The following FEZ2 variants were observed in gnomAD, a reference collection of about 807,000 sequenced individuals.
FEZ2 encodes the protein fasciculation and elongation protein zeta 2, also known as fasciculation and elongation protein zeta-2.
Under a neutral mutation model 40.4 loss-of-function variants are expected in FEZ2, and 51 were observed. The observed-to-expected ratio is 1.26, with a 90% CI of 1.01 to 1.59. The LOEUF (loss-of-function observed/expected upper bound fraction) is 1.59. Ranked by LOEUF, FEZ2 falls within the 40% of genes most tolerant of loss-of-function variation. The probability of loss-of-function intolerance (pLI) is 0.00; values close to 1 mark genes in which losing one functional copy is unlikely to be tolerated. For missense variants in FEZ2, 640 were observed against 438.3 expected, an observed-to-expected ratio of 1.46 and a Z score of -4.11; for synonymous variants, 242 against 172.0, an observed-to-expected ratio of 1.41 and a Z score of -3.18.
Position 36,581,449 on chromosome 2 carries a change from C to G in FEZ2, c.493-18G>C. 2.5e-6 allele frequency: 4 copies of G among 1,609,970 alleles called. No individual in the cohort carries two copies. Among genetic ancestry groups the G allele is most frequent in the Non-Finnish European group, 3.4e-6 (4 of 1,176,540 alleles). On this transcript the variant is annotated intron_variant, in intron 3 of 7. Transcript: ENST00000405912. ...TCAATAACCTTCGAAAACACACACA[C>G]CACTGTTAATCAAATATACAAAAGG...
Position 36,583,441 on chromosome 2 carries a change from G to C in FEZ2, c.404C>G (p.Ser135Ter), listed in dbSNP as rs1018793065. 6.2e-7 allele frequency: 1 copy of C among 1,603,140 alleles called. No homozygotes were observed. The highest frequency in any genetic ancestry group is 1.7e-5 in the Admixed American group (1 of 60,006). Reference sequence around the variant, plus strand: ...CTGTTCTCTCAGCTCTTCATCATCTGATGTATCAAAGAGCAAACTGTCACT... The same window carrying C: ...CTGTTCTCTCAGCTCTTCATCATCTCATGTATCAAAGAGCAAACTGTCACT... ...GVSDSLLFDT[S>*]DDEELREQLD... is the part of the protein sequence containing the mutation. The change falls in exon 3 of 8, where the codon TCA becomes TGA. Residue 135 changes from serine (S) to a stop codon, truncating the protein, a stop_gained. Coordinates refer to ENST00000405912, the MANE Select transcript of FEZ2 (RefSeq NM_005102.3). LOFTEE classifies it high-confidence loss of function.
rs151273702 is a variant in FEZ2 at position 36,568,511 on chromosome 2, G to C, written c.904-9998C>G. Among the ~76,000 whole-genome samples, 115 of 152,266 alleles carry C rather than the reference G, an allele frequency of 7.6e-4. 1 individual carries two copies. In the East Asian group the frequency reaches 0.02, roughly 26 times the overall value. ...TCCAAGTGTTCAAATTCAAAGTGAA[G>C]AACTGGTGAAAATTCTGAATCTGAA... is the stretch of plus-strand genomic sequence containing the variant. On this transcript the variant is annotated intron_variant, in intron 5 of 7. Transcript: ENST00000405912.
chr2:36,566,967 C>G (rs1287315563), intron 5 of FEZ2, among the ~76,000 whole-genome samples: 2 of 152,190 alleles, frequency 1.3e-5, no homozygotes, highest in African/African-American at 2.4e-5. Context: ...CTCTCTCTCT[C>G]TCTCTATAGG....
In FEZ2 at chr2:36,555,646, C is replaced by A. The variant is rs765492760; in HGVS notation, c.1045+37G>T. The A allele has an allele frequency of 3.2e-6, 4 of 1,249,210 alleles. No homozygotes were observed. In the East Asian group the frequency reaches 7.1e-5, roughly 22 times the overall value. The allele number at this position is 1,249,210 out of a possible 1,614,324, so 77.4% of individuals were successfully genotyped here. A position where few individuals can be genotyped will look rare whatever the true frequency, so the allele number is the denominator to read the frequency against. ...GATGTATTTACTGACTAATCCAAACCTCCCAGCCATCGCACCTATACCATT... is the reference window on the plus strand; with the variant it reads ...GATGTATTTACTGACTAATCCAAACATCCCAGCCATCGCACCTATACCATT... On this transcript the variant is annotated intron_variant, in intron 7 of 7. Transcript: ENST00000405912.
rs1352585532 is a variant in FEZ2, at chr2:36,560,939, C to T, written c.904-2426G>A. The T allele has an allele frequency of 4.5e-6, 4 of 889,002 alleles. No individual in the cohort carries two copies. In the African/African-American group the frequency reaches 5.1e-5, roughly 11 times the overall value. The allele number at this position is 889,002 out of a possible 1,614,324, so 55.1% of individuals were successfully genotyped here. ...TCAAAGTCTATTAGTAAGAATGTAC[C>T]ATGATGACTTATGTGCCCAAGAGGC... On this transcript the variant is annotated intron_variant, in intron 5 of 7. Transcript: ENST00000405912.
Position 36,553,152 on chromosome 2 carries a change from A to T in FEZ2, c.*11T>A. 6.4e-7 allele frequency: 1 copy of T among 1,566,592 alleles called. No homozygotes were observed. The highest frequency in any genetic ancestry group is 2.3e-5 in the East Asian group (1 of 42,754). ...TCTAGCTTGGAGCCCACCGCAGATAAAGTTGCTGCTCTATGTAGGACACAG... is the reference window on the plus strand; with the variant it reads ...TCTAGCTTGGAGCCCACCGCAGATATAGTTGCTGCTCTATGTAGGACACAG... On this transcript the variant is annotated 3_prime_UTR_variant, in exon 8 of 8. Coordinates refer to ENST00000405912, the MANE Select transcript of FEZ2 (RefSeq NM_005102.3).
chr2:36,570,698 G>C (rs190391799), intron 5 of FEZ2, among the ~76,000 whole-genome samples: 27 of 152,194 alleles, frequency 1.8e-4, no homozygotes, highest in African/African-American at 3.4e-4. Flanking sequence ...ACTGCTCCTA[G>C]GCTACAAACC....
intron 4 of FEZ2, among the ~76,000 whole-genome samples, chr2:36,580,504 C>A (rs1668703821): frequency 6.6e-6 from 1 of 152,208 alleles, no homozygotes; most frequent in Non-Finnish European, 1.5e-5. Context: ...TGTTCACAGG[C>A]TGGTTATATT....
At chr2:36,564,760 G>A (rs1467842770) in intron 5 of FEZ2, among the ~76,000 whole-genome samples, 3 of 151,980 alleles carry the variant, frequency 2.0e-5, no homozygotes, top group Non-Finnish European at 2.9e-5. Context: ...GCAGCCAACC[G>A]GGCCAACTCG....
At position 36,553,168 on chromosome 2, in the gene FEZ2, T is replaced by A; in HGVS notation, c.1057A>T (p.Thr353Ser). 2 of 1,565,012 alleles carry A rather than the reference T, an allele frequency of 1.3e-6. No individual in the cohort carries two copies. The highest frequency in any genetic ancestry group is 1.7e-6 in the Non-Finnish European group (2 of 1,152,794). The change falls in exon 8 of 8, where the codon ACA becomes TCA. Residue 353 changes from threonine to serine, a missense_variant. Coordinates refer to ENST00000405912, the MANE Select transcript of FEZ2 (RefSeq NM_005102.3). ...TDYILKVLCP[T>S] ...CCGCAGATAAAGTTGCTGCTCTATG[T>A]AGGACACAGAACTAGAAGAAAAAGA...
At chr2:36,579,615 T>A (rs1354025740) in intron 4 of FEZ2, among the ~76,000 whole-genome samples, 1 of 152,064 alleles carries the variant, frequency 6.6e-6, no homozygotes, top group East Asian at 1.9e-4. Flanking sequence ...CCTCCCACCA[T>A]GAGTAAAAGC....
At position 36,555,696 on chromosome 2, in the gene FEZ2, A is replaced by T. The variant is rs756117811; in HGVS notation, c.1032T>A (p.Asp344Glu). The change falls in exon 7 of 8, where the codon GAT (aspartate) becomes GAA (glutamate). Residue 344 changes from aspartate to glutamate, a missense_variant. Asp to Glu is a conservative substitution (Grantham distance 45). Coordinates refer to ENST00000405912, the MANE Select transcript of FEZ2 (RefSeq NM_005102.3). ...TATAAAACTCACCTTTCAGAATATA[A>T]TCAGTTAACAAGCTCGGAACTTTTT... ...DSEKVPSLLT[D>E]YILKVLCPT 1 of 1,592,776 alleles carries T rather than the reference A, an allele frequency of 6.3e-7. No individual in the cohort carries two copies. The highest frequency in any genetic ancestry group is 8.6e-7 in the Non-Finnish European group (1 of 1,168,688).
chr2:36,583,510 C>T, intron 2 of FEZ2, 41 bp from the exon 3 acceptor site: 1 of 1,035,342 alleles, frequency 9.7e-7, no homozygotes, highest in Admixed American at 1.7e-5. Context: ...AGGACATCCT[C>T]ATCAAAACAA....
At chr2:36,564,120 C>A (rs1471026445) in intron 5 of FEZ2, among the ~76,000 whole-genome samples, 1 of 152,192 alleles carries the variant, frequency 6.6e-6, no homozygotes, top group Non-Finnish European at 1.5e-5. Context: ...GTGCTAAGAA[C>A]AGAGACTGGC....
At position 36,590,970 on chromosome 2, in the gene FEZ2, G is replaced by T. The variant is rs1669055286; in HGVS notation, c.308C>A (p.Pro103His). Reference sequence around the variant, plus strand: ...AGTATGCGATGACTTCCAGTCTACAGGCATCACATTCCCATAATTATCTGT... The same window carrying T: ...AGTATGCGATGACTTCCAGTCTACATGCATCACATTCCCATAATTATCTGT... ...ALTDNYGNVM[P>H]VDWKSSHTRT... Residue 103 changes from proline to histidine, a missense_variant, in exon 2 of 8, where the codon CCT becomes CAT. Coordinates refer to ENST00000405912, the MANE Select transcript of FEZ2 (RefSeq NM_005102.3). 10 of 1,612,544 alleles carry T rather than the reference G, an allele frequency of 6.2e-6. No individual in the cohort carries two copies. The highest frequency in any genetic ancestry group is 5.3e-5 in the African/African-American group (4 of 75,014).
At chr2:36,593,275 G>T (rs1355912983) in intron 1 of FEZ2, among the ~76,000 whole-genome samples, 1 of 152,084 alleles carries the variant, frequency 6.6e-6, no homozygotes, top group Non-Finnish European at 1.5e-5. Context: ...AGAAACCCCT[G>T]ATAAACTCAT....
At chr2:36,584,212 G>A (rs934591627) in intron 2 of FEZ2, among the ~76,000 whole-genome samples, 8 of 152,194 alleles carry the variant, frequency 5.3e-5, no homozygotes, top group African/African-American at 1.4e-4. Flanking sequence ...CTGTCAGACT[G>A]TCATTTGTTG....
At chr2:36,577,073 A>T (rs1482598243) in intron 5 of FEZ2, among the ~76,000 whole-genome samples, 2 of 152,244 alleles carry the variant, frequency 1.3e-5, no homozygotes. Context: ...AATGCAAAAT[A>T]GTGTCCCTAA....
chr2:36,581,588 TTACTG>T (rs1448947626), intron 3 of FEZ2, 157 bp from the exon 4 acceptor site: 2 of 635,622 alleles, frequency 3.1e-6, no homozygotes, highest in Non-Finnish European at 5.6e-6. Flanking sequence ...ATCAAAATTT[TTACTG>T]TAGGAGTGAA....
Sources: allele counts gnomAD v4.1 joint callset (sites outside exome capture counted in the v4.1 genomes callset), GRCh38; gene constraint gnomAD v4.1.1; transcripts MANE v1.5; gene names NCBI Gene and HGNC (gene_info 2026-07-23, HGNC 2026-07-21).